The following JAG1 variants were observed in gnomAD, a reference collection of about 807,000 sequenced individuals.
JAG1 encodes the protein jagged canonical Notch ligand 1.
In JAG1, 23 loss-of-function variants were observed where a neutral mutation model predicts 148.7. The ratio of observed to expected loss-of-function variants is 0.15; its 90% CI spans 0.11 to 0.22. The LOEUF is 0.22. JAG1 is among the 10% of genes least tolerant of loss of function. The probability of loss-of-function intolerance (pLI) is 1.00; values close to 1 mark genes in which losing one functional copy is unlikely to be tolerated. For synonymous variants in JAG1, 572 were observed against 598.3 expected (o/e 0.96, Z 0.64); for missense variants, 1,054 against 1,611.2 (o/e 0.65, Z 5.92).
In JAG1 at chr20:10,639,370, G is replaced by A; in HGVS notation, c.*128C>T. The A allele has an allele frequency of 1.1e-6, 1 of 902,386 alleles. No homozygotes were observed. The highest frequency in any genetic ancestry group is 1.9e-6 in the Non-Finnish European group (1 of 536,556). 55.9% of individuals were successfully genotyped at this position (902,386 alleles called of 1,614,324 possible). A position where few individuals can be genotyped will look rare whatever the true frequency, so the allele number is the denominator to read the frequency against. On this transcript the variant is annotated 3_prime_UTR_variant, in exon 26 of 26. Coordinates refer to ENST00000254958, the MANE Select transcript of JAG1 (RefSeq NM_000214.3). Reference sequence around the variant, plus strand: ...AAACTACCATTGCCAGTGTAAGCCAGCTTGTCAAAACTTAAATTAACACAG... The same window carrying A: ...AAACTACCATTGCCAGTGTAAGCCAACTTGTCAAAACTTAAATTAACACAG...
At chr20:10,658,141 T>C in intron 4 of JAG1, among the ~76,000 whole-genome samples, 1 of 152,196 alleles carries the variant, frequency 6.6e-6, no homozygotes, top group South Asian at 2.1e-4. Context: ...AGCTGGGCTT[T>C]GTAGCCCTAT....
intron 5 of JAG1, 123 bp downstream of exon 5, chr20:10,656,274 AT>A (rs35424127): frequency 1.2e-3 from 873 of 746,560 alleles, no homozygotes; most frequent in East Asian, 1.5e-3. Context: ...GTCTATCTGA[AT>A]TTTTTTTTTA....
chr20:10,656,382 A>C lies in JAG1; in HGVS notation c.755+16T>G. 6.2e-7 allele frequency: 1 copy of C among 1,603,266 alleles called. No homozygotes were observed. The highest frequency in any genetic ancestry group is 1.3e-5 in the African/African-American group (1 of 74,832). ...GGAAAATTAAAAGAAATCTCACAAA[A>C]GACCAGTTGATTTACCTGCAGTCAC... On this transcript the variant is annotated intron_variant, in intron 5 of 25. Coordinates refer to ENST00000254958, the MANE Select transcript of JAG1 (RefSeq NM_000214.3).
Position 10,644,900 on chromosome 20 carries a change from G to A in JAG1, c.2307C>T (p.Val769=), listed in dbSNP as rs1009422076. 12 of 1,614,040 alleles carry A rather than the reference G, an allele frequency of 7.4e-6. No homozygotes were observed. Among genetic ancestry groups the A allele is most frequent in the African/African-American group, 1.3e-5 (1 of 74,920 alleles). Reference sequence around the variant, plus strand: ...TGGGCCCCTCCCAGCCTTCCTTGCAGACGCACGTAAAGGACTCGCCGTTGA... The same window carrying A: ...TGGGCCCCTCCCAGCCTTCCTTGCAAACGCACGTAAAGGACTCGCCGTTGA... ...CVVNGESFTC[V]CKEGWEGPIC... The change falls in exon 18 of 26, where the codon GTC becomes GTT. Residue 769 remains valine, a synonymous_variant. Coordinates refer to ENST00000254958, the MANE Select transcript of JAG1 (RefSeq NM_000214.3).
At position 10,648,633 on chromosome 20, in the gene JAG1, G is replaced by A; in HGVS notation, c.1485C>T (p.Pro495=). Residue 495 remains proline, a synonymous_variant, in exon 12 of 26, where the codon CCC becomes CCT. Coordinates refer to ENST00000254958, the MANE Select transcript of JAG1 (RefSeq NM_000214.3). ...ERDIDECASN[P]CLNGGHCQNE... is the part of the protein sequence containing the mutation. ...TCTGACAGTGACCCCCATTCAAACA[G>A]GGGTTGCTGGCACATTCATCGATGT... The A allele has an allele frequency of 1.9e-6, 3 of 1,614,118 alleles. No individual in the cohort carries two copies. Among genetic ancestry groups the A allele is most frequent in the Non-Finnish European group, 2.5e-6 (3 of 1,179,956 alleles).
At chr20:10,661,270 A>G (rs919215008) in intron 3 of JAG1, among the ~76,000 whole-genome samples, 1 of 152,156 alleles carries the variant, frequency 6.6e-6, no homozygotes, top group African/African-American at 2.4e-5. Context: ...TCTCTGCCCT[A>G]AAACTCAGGG....
Position 10,641,444 on chromosome 20 carries a change from A to G in JAG1, c.2916+16T>C. ...GACATCCACCATTCAAAAAAAAAAC[A>G]AAGGTTGTTACATACTGGTGACATC... On this transcript the variant is annotated intron_variant, in intron 23 of 25. Coordinates refer to ENST00000254958, the MANE Select transcript of JAG1 (RefSeq NM_000214.3). The G allele has an allele frequency of 6.3e-6, 10 of 1,595,616 alleles. No homozygotes were observed. The highest frequency in any genetic ancestry group is 8.6e-6 in the Non-Finnish European group (10 of 1,163,892).
At chr20:10,661,453 C>A (rs897441021) in intron 3 of JAG1, among the ~76,000 whole-genome samples, 2 of 152,178 alleles carry the variant, frequency 1.3e-5, no homozygotes, top group African/African-American at 4.8e-5. Context: ...GTAGCATAAA[C>A]AGCATGTGCA....
chr20:10,663,152 C>T (rs1600191253), intron 3 of JAG1, among the ~76,000 whole-genome samples: 1 of 152,194 alleles, frequency 6.6e-6, no homozygotes, highest in African/African-American at 2.4e-5. Context: ...AGAGCCAAGA[C>T]AAGAAGCTGG....
intron 3 of JAG1, among the ~76,000 whole-genome samples, chr20:10,658,978 T>C (rs1369818497): frequency 1.3e-5 from 2 of 152,188 alleles, no homozygotes; most frequent in African/African-American, 4.8e-5. Flanking sequence ...CATGTGTGCA[T>C]GTGAGTCGTT....
rs1280182295 is a variant in JAG1, at chr20:10,672,693, TCA to T, written c.387+6_387+7del. ...TCCGCCCGGCCTCCTTCCCGAGTAGTCACTCACCGGCCAGGCGAAACTGAAAG... is the reference window on the plus strand; with the variant it reads ...TCCGCCCGGCCTCCTTCCCGAGTAGTCTCACCGGCCAGGCGAAACTGAAAG... On this transcript the variant is annotated splice_donor_region_variant and intron_variant, in intron 2 of 25. Transcript: ENST00000254958. 3.7e-6 allele frequency: 6 copies of T among 1,612,028 alleles called. No homozygotes were observed. In the African/African-American group the frequency reaches 6.7e-5, roughly 18 times the overall value.
chr20:10,669,702 C>T (rs1014768150), intron 2 of JAG1, among the ~76,000 whole-genome samples: 3 of 151,998 alleles, frequency 2.0e-5, no homozygotes, highest in Admixed American at 6.5e-5. Flanking sequence ...CACTCTGGGG[C>T]CACCGATGCA....
chr20:10,658,809 C>T (rs2067395326), intron 3 of JAG1, 87 bp from the exon 4 acceptor site: 3 of 1,382,546 alleles, frequency 2.2e-6, no homozygotes, highest in Non-Finnish European at 2.0e-6. Flanking sequence ...AAAACATATG[C>T]ACCTGCTACA....
chr20:10,668,986 GACA>G (rs2067476099), intron 2 of JAG1, among the ~76,000 whole-genome samples: 1 of 151,014 alleles, frequency 6.6e-6, no homozygotes, highest in Non-Finnish European at 1.5e-5. Context: ...TAAGAAACAA[GACA>G]ACAAGGAGAA....
At chr20:10,642,953 C>T (rs762399171) in intron 20 of JAG1, among the ~76,000 whole-genome samples, 2 of 152,254 alleles carry the variant, frequency 1.3e-5, no homozygotes, top group Non-Finnish European at 2.9e-5. Flanking sequence ...TCTGTCACAA[C>T]TATCCAACTC....
chr20:10,647,825 C>T (rs2122607391), intron 13 of JAG1, 135 bp downstream of exon 13: 1 of 981,304 alleles, frequency 1.0e-6, no homozygotes, highest in Admixed American at 2.0e-5. Context: ...GCCCGCTACA[C>T]AGGCAGGATC....
At chr20:10,670,330 C>T (rs2067487247) in intron 2 of JAG1, among the ~76,000 whole-genome samples, 1 of 152,162 alleles carries the variant, frequency 6.6e-6, no homozygotes, top group South Asian at 2.1e-4. Context: ...GGTAATTGTG[C>T]CTGCTAGGGG....
intron 2 of JAG1, among the ~76,000 whole-genome samples, chr20:10,667,010 C>T (rs866232305): frequency 3.2e-4 from 48 of 152,252 alleles, no homozygotes; most frequent in African/African-American, 1.1e-3. Flanking sequence ...CTGGGCAGAG[C>T]GGTAAGCACT....
chr20:10,649,611 G>A lies in JAG1; in HGVS notation c.1259C>T (p.Pro420Leu). The A allele has an allele frequency of 6.2e-7, 1 of 1,612,978 alleles. No individual in the cohort carries two copies. The highest frequency in any genetic ancestry group is 8.5e-7 in the Non-Finnish European group (1 of 1,178,976). The change falls in exon 10 of 26, where the codon CCT (proline) becomes CTT (leucine). Residue 420 changes from proline (P) to leucine (L), a missense_variant. By Grantham distance (98) the Pro-to-Leu change is moderately conservative. Transcript: ENST00000254958. Reference sequence around the variant, plus strand: ...CTTACAGGATTTGGCGTTTACACAAGGTTTGGCCTCACATTCATTTGCATC... The same window carrying A: ...CTTACAGGATTTGGCGTTTACACAAAGTTTGGCCTCACATTCATTTGCATC... ...QLDANECEAK[P>L]CVNAKSCKNL...
Sources: allele counts gnomAD v4.1 joint callset (sites outside exome capture counted in the v4.1 genomes callset), GRCh38; gene constraint gnomAD v4.1.1; transcripts MANE v1.5; gene names NCBI Gene and HGNC (gene_info 2026-07-23, HGNC 2026-07-21).